Variants in PPP2R3A observed in about 807,000 individuals in gnomAD.
The protein encoded by PPP2R3A is serine/threonine-protein phosphatase 2A regulatory subunit B'' subunit alpha.
A neutral mutation model predicts 106.9 loss-of-function variants in PPP2R3A; 80 were observed. That is an observed-to-expected ratio of 0.75 (90% CI 0.62 to 0.90). The LOEUF (loss-of-function observed/expected upper bound fraction) is 0.90. Among genes scored for constraint, PPP2R3A ranks in the 40% least tolerant of loss-of-function variants. The pLI, the probability that PPP2R3A is intolerant of heterozygous loss-of-function variation, is 0.00. For synonymous variants in PPP2R3A, 483 were observed against 468.3 expected (o/e 1.03, Z -0.41); for missense variants, 1,386 against 1,350.4 (o/e 1.03, Z -0.41).
At chr3:135,986,817 ATGCTT>A (rs1932942508) in intron 1 of PPP2R3A, among the ~76,000 whole-genome samples, 1 of 152,146 alleles carries the variant, frequency 6.6e-6, no homozygotes, top group Non-Finnish European at 1.5e-5. Flanking sequence ...GCATGAACAT[ATGCTT>A]TTATTTCTTC....
intron 3 of PPP2R3A, among the ~76,000 whole-genome samples, chr3:136,034,978 C>G (rs1446852076): frequency 6.6e-6 from 1 of 151,842 alleles, no homozygotes; most frequent in Non-Finnish European, 1.5e-5. Flanking sequence ...ATGTAATGTC[C>G]CTCTTTTTCT....
chr3:136,038,618 C>T (rs1313899357), intron 3 of PPP2R3A, among the ~76,000 whole-genome samples: 1 of 152,162 alleles, frequency 6.6e-6, no homozygotes, highest in East Asian at 1.9e-4. Flanking sequence ...CCAGTTCCAG[C>T]GTCTCCGCAC....
rs957418117 is a variant in PPP2R3A, at chr3:135,978,500, T to G, written c.-441+12651T>G. On this transcript the variant is annotated intron_variant, in intron 1 of 13. Transcript: ENST00000264977. ...CAACTGGATTTTTTTTTTTTGTAAT[T>G]GTACCCTTTAGATAGTTAAAATTCT... 6.6e-5 allele frequency among the ~76,000 whole-genome samples: 10 copies of G among 151,744 alleles called. 1 individual carries two copies. The highest frequency in any genetic ancestry group is 2.4e-4 in the African/African-American group (10 of 41,064).
intron 10 of PPP2R3A, among the ~76,000 whole-genome samples, chr3:136,097,764 C>CT (rs1559918343): frequency 6.6e-6 from 1 of 152,104 alleles, no homozygotes; most frequent in Non-Finnish European, 1.5e-5. Flanking sequence ...ACAAAGAGAT[C>CT]TTAGAGGCCA....
At chr3:136,045,733 G>A (rs572389493) in intron 4 of PPP2R3A, among the ~76,000 whole-genome samples, 1 of 152,286 alleles carries the variant, frequency 6.6e-6, no homozygotes, top group South Asian at 2.1e-4. Context: ...CCTACTGCAT[G>A]AACAGACCAC....
At chr3:135,987,119 C>T (rs1932957705) in intron 1 of PPP2R3A, among the ~76,000 whole-genome samples, 1 of 152,090 alleles carries the variant, frequency 6.6e-6, no homozygotes, top group Non-Finnish European at 1.5e-5. Context: ...CTTGAAACAC[C>T]TTCACTGGGC....
At chr3:135,977,685 ATTCTTTTTTTTTTTTTTT>A (rs1436504896) in intron 1 of PPP2R3A, among the ~76,000 whole-genome samples, 1 of 102,686 alleles carries the variant, frequency 9.7e-6, no homozygotes, top group Non-Finnish European at 2.2e-5. Flanking sequence ...TCTGATCAGC[ATTCTTTTTTTTTTTTTTT>A]TTTTTTTTTT....
chr3:135,991,927 A>G (rs933993564), intron 1 of PPP2R3A, among the ~76,000 whole-genome samples: 2 of 152,218 alleles, frequency 1.3e-5, no homozygotes, highest in African/African-American at 4.8e-5. Context: ...CCTTAGCCTC[A>G]TTCAGACATT....
At chr3:135,980,237 C>A (rs1163574521) in intron 1 of PPP2R3A, among the ~76,000 whole-genome samples, 1 of 151,688 alleles carries the variant, frequency 6.6e-6, no homozygotes, top group Non-Finnish European at 1.5e-5. Flanking sequence ...AGTTAGTGTC[C>A]CAACCAAATT....
At chr3:136,079,855 T>A (rs1936725038) in intron 7 of PPP2R3A, among the ~76,000 whole-genome samples, 1 of 152,178 alleles carries the variant, frequency 6.6e-6, no homozygotes, top group South Asian at 2.1e-4. Context: ...ACTCAAGTGT[T>A]CTGCTTCCTA....
At position 136,003,347 on chromosome 3, in the gene PPP2R3A, C is replaced by G. The variant is rs1346551085; in HGVS notation, c.1849C>G (p.Gln617Glu). 11 of 1,613,830 alleles carry G rather than the reference C, an allele frequency of 6.8e-6. No homozygotes were observed. Among genetic ancestry groups the G allele is most frequent in the Non-Finnish European group, 9.3e-6 (11 of 1,179,950 alleles). Residue 617 changes from glutamine (Q) to glutamate (E), a missense_variant, in exon 2 of 14, where the codon CAA (glutamine) becomes GAA (glutamate). Gln to Glu is a conservative substitution (Grantham distance 29). Coordinates refer to ENST00000264977, the MANE Select transcript of PPP2R3A (RefSeq NM_002718.5). ...CAAATCAAGCAGAGGGAGCCTATCA[C>G]AAGAAAAGGAAATGATGCAAATTCT... is the stretch of plus-strand genomic sequence containing the variant. ...ECKSSRGSLS[Q>E]EKEMMQILQE... is the part of the protein sequence containing the mutation.
At chr3:136,104,875 G>T (rs887420363) in intron 12 of PPP2R3A, among the ~76,000 whole-genome samples, 1 of 151,856 alleles carries the variant, frequency 6.6e-6, no homozygotes, top group Admixed American at 6.6e-5. Context: ...AAAAGTGTGT[G>T]GTCTTTTCCC....
intron 5 of PPP2R3A, among the ~76,000 whole-genome samples, chr3:136,065,413 G>T (rs1412891387): frequency 2.0e-5 from 3 of 152,086 alleles, no homozygotes; most frequent in Non-Finnish European, 4.4e-5. Context: ...TTATATAAAT[G>T]CTTGTATATG....
intron 3 of PPP2R3A, among the ~76,000 whole-genome samples, chr3:136,028,683 G>A (rs1005180658): frequency 2.0e-4 from 31 of 152,214 alleles, no homozygotes; most frequent in Non-Finnish European, 4.1e-4. Flanking sequence ...TGGCTATTGC[G>A]TTAGATGACA....
intron 3 of PPP2R3A, among the ~76,000 whole-genome samples, chr3:136,029,320 C>G (rs549876630): frequency 6.6e-6 from 1 of 152,260 alleles, no homozygotes; most frequent in South Asian, 2.1e-4. Flanking sequence ...ACTGAGGAGC[C>G]CATTCTCCTG....
At chr3:136,030,351 T>G (rs547248058) in intron 3 of PPP2R3A, among the ~76,000 whole-genome samples, 1 of 152,312 alleles carries the variant, frequency 6.6e-6, no homozygotes, top group East Asian at 1.9e-4. Flanking sequence ...TAAAATTGTT[T>G]ATTTAAAAGT....
At chr3:136,004,274 G>A (rs933657369) in intron 2 of PPP2R3A, among the ~76,000 whole-genome samples, 3 of 152,222 alleles carry the variant, frequency 2.0e-5, no homozygotes, top group Non-Finnish European at 4.4e-5. Context: ...AGCACAACAA[G>A]ATTATTCCTT....
intron 5 of PPP2R3A, among the ~76,000 whole-genome samples, chr3:136,052,862 A>C (rs1377579474): frequency 2.6e-5 from 4 of 152,192 alleles, no homozygotes; most frequent in Non-Finnish European, 5.9e-5. Context: ...TCTGAAGTTA[A>C]AGTGTAGAAA....
At chr3:135,985,425 T>C (rs1352829113) in intron 1 of PPP2R3A, among the ~76,000 whole-genome samples, 2 of 149,776 alleles carry the variant, frequency 1.3e-5, no homozygotes, top group Non-Finnish European at 3.0e-5. Flanking sequence ...TCTCTGTCTC[T>C]CTCTCTCCCT....
Sources: allele counts gnomAD v4.1 joint callset (sites outside exome capture counted in the v4.1 genomes callset), GRCh38; gene constraint gnomAD v4.1.1; transcripts MANE v1.5; gene names NCBI Gene and HGNC (gene_info 2026-07-23, HGNC 2026-07-21).